The following AFAP1L2 variants were observed in gnomAD, a reference collection of about 807,000 sequenced individuals.
AFAP1L2 encodes the protein actin filament-associated protein 1-like 2.
AFAP1L2 carries 46 observed loss-of-function variants against 99.3 expected under a neutral mutation model. The observed-to-expected ratio is 0.46, with a 90% CI of 0.37 to 0.59. AFAP1L2 has a LOEUF of 0.59. Among genes scored for constraint, AFAP1L2 ranks in the 20% least tolerant of loss-of-function variants. The pLI, the probability that AFAP1L2 is intolerant of heterozygous loss-of-function variation, is 0.00. For missense variants in AFAP1L2, 959 were observed against 1,034.9 expected (o/e 0.93, Z 1.01); for synonymous variants, 397 against 419.1 (o/e 0.95, Z 0.64).
In AFAP1L2 at chr10:114,295,859, T is replaced by G. The variant is rs774742812; in HGVS notation, c.*183A>C. ...CAAAGAAGCCTCCTTTTTGTTGTATTATTTCCTTTGGCTCTGAAAAGGGAC... is the reference window on the plus strand; with the variant it reads ...CAAAGAAGCCTCCTTTTTGTTGTATGATTTCCTTTGGCTCTGAAAAGGGAC... On this transcript the variant is annotated 3_prime_UTR_variant, in exon 19 of 19. Transcript: ENST00000304129. 64 of 1,446,614 alleles carry G rather than the reference T, an allele frequency of 4.4e-5. No individual in the cohort carries two copies. Among genetic ancestry groups the G allele is most frequent in the Non-Finnish European group, 5.6e-5 (62 of 1,100,498 alleles). 89.6% of individuals were successfully genotyped at this position (1,446,614 alleles called of 1,614,324 possible).
intron 6 of AFAP1L2, 57 bp from the exon 7 acceptor site, chr10:114,314,107 G>C: frequency 6.5e-7 from 1 of 1,543,416 alleles, no homozygotes; most frequent in Non-Finnish European, 8.8e-7. Context: ...CGGAGGTGAT[G>C]TCTGCAAAGG....
chr10:114,320,914 G>A (rs902559240), intron 5 of AFAP1L2, among the ~76,000 whole-genome samples: 6 of 152,128 alleles, frequency 3.9e-5, no homozygotes, highest in Non-Finnish European at 7.4e-5. Context: ...ATCACAGCCC[G>A]ACTGGTGAGC....
intron 4 of AFAP1L2, among the ~76,000 whole-genome samples, chr10:114,328,820 A>G (rs1325194732): frequency 6.6e-6 from 1 of 152,224 alleles, no homozygotes; most frequent in East Asian, 1.9e-4. Flanking sequence ...ACATGTGCTC[A>G]TGTGTGTGGG....
intron 1 of AFAP1L2, among the ~76,000 whole-genome samples, chr10:114,345,036 G>A (rs1156397926): frequency 1.3e-5 from 2 of 151,124 alleles, no homozygotes; most frequent in Non-Finnish European, 2.9e-5. Flanking sequence ...GACGGAGGTT[G>A]CAGTGAGCCG....
intron 2 of AFAP1L2, among the ~76,000 whole-genome samples, chr10:114,336,762 G>C (rs917327133): frequency 6.6e-6 from 1 of 152,140 alleles, no homozygotes; most frequent in East Asian, 1.9e-4. Flanking sequence ...ACTGGTGAAG[G>C]CTAGAATAGA....
chr10:114,281,723 G>A, the AFAP1L2 span: 146 of 985,356 alleles, frequency 1.5e-4, no homozygotes, highest in East Asian at 2.3e-4. Context: ...GGGGCACTGC[G>A]GGAGGCCTGG....
At chr10:114,400,060 G>A (rs531461129) in intron 1 of AFAP1L2, among the ~76,000 whole-genome samples, 7 of 152,308 alleles carry the variant, frequency 4.6e-5, no homozygotes, top group African/African-American at 1.7e-4. Flanking sequence ...ATTGCACCAT[G>A]ACTGCCTTCA....
At chr10:114,395,082 C>T (rs2057553423) in intron 1 of AFAP1L2, among the ~76,000 whole-genome samples, 1 of 152,140 alleles carries the variant, frequency 6.6e-6, no homozygotes, top group South Asian at 2.1e-4. Context: ...GACCAGCTGC[C>T]CTGCACTAGG....
At chr10:114,309,250 A>G (rs2042857290) in intron 8 of AFAP1L2, among the ~76,000 whole-genome samples, 1 of 152,156 alleles carries the variant, frequency 6.6e-6, no homozygotes, top group Non-Finnish European at 1.5e-5. Context: ...AGAAAACCCA[A>G]CTTCTTTCCA....
At chr10:114,340,803 G>A in intron 1 of AFAP1L2, 72 bp from the exon 2 acceptor site, 1 of 1,603,896 alleles carries the variant, frequency 6.2e-7, no homozygotes, top group Non-Finnish European at 8.5e-7. Flanking sequence ...TACACCTCGG[G>A]ACCCTGCAGC....
At chr10:114,285,022 C>A in the AFAP1L2 span, 1 of 1,427,156 alleles carries the variant, frequency 7.0e-7, no homozygotes, top group Non-Finnish European at 9.4e-7. Flanking sequence ...AAGAAGAGGA[C>A]GGGCTCCCCT....
intron 1 of AFAP1L2, among the ~76,000 whole-genome samples, chr10:114,401,645 TG>T (rs1669003662): frequency 6.6e-6 from 1 of 152,138 alleles, no homozygotes; most frequent in South Asian, 2.1e-4. Flanking sequence ...CCCTTATTTT[TG>T]CTTGGGTGAG....
intron 5 of AFAP1L2, among the ~76,000 whole-genome samples, chr10:114,322,222 C>G (rs1288792030): frequency 1.3e-5 from 2 of 152,172 alleles, no homozygotes; most frequent in Non-Finnish European, 2.9e-5. Flanking sequence ...TACCTAGTCT[C>G]GGGCGTGTCT....
In AFAP1L2 at chr10:114,317,280, C is replaced by T. The variant is rs146809723; in HGVS notation, c.407-1515G>A. Among the ~76,000 whole-genome samples the T allele has an allele frequency of 3.8e-3, 531 of 139,808 alleles. 4 individuals are homozygous for T. Among genetic ancestry groups the T allele is most frequent in the African/African-American group, 0.013 (499 of 39,114 alleles). The allele number at this position is 139,808 out of a possible 152,430, so 91.7% of individuals were successfully genotyped here. A position where few individuals can be genotyped will look rare whatever the true frequency, so the allele number is the denominator to read the frequency against. ...TGTGTTTTAATATTTCTAAAAACAA[C>T]ATTTTAAACATTTTAGTATCAATTT... On this transcript the variant is annotated intron_variant, in intron 5 of 18. Transcript: ENST00000304129.
At chr10:114,306,241 G>T (rs1473294194) in intron 10 of AFAP1L2, among the ~76,000 whole-genome samples, 12 of 78,098 alleles carry the variant, frequency 1.5e-4, no homozygotes, top group Non-Finnish European at 2.4e-4. Context: ...GGGGGTGCAC[G>T]TACAGGACTG....
intron 1 of AFAP1L2, among the ~76,000 whole-genome samples, chr10:114,341,861 A>G (rs2048877499): frequency 6.6e-6 from 1 of 152,146 alleles, no homozygotes; most frequent in Non-Finnish European, 1.5e-5. Context: ...CAGCTACCTC[A>G]ATTCTTGCCT....
At chr10:114,336,383 C>T (rs570773987) in intron 2 of AFAP1L2, among the ~76,000 whole-genome samples, 1 of 152,234 alleles carries the variant, frequency 6.6e-6, no homozygotes, top group Non-Finnish European at 1.5e-5. Context: ...CATTCAGCAT[C>T]AGCACTGTGC....
At chr10:114,309,267 G>A (rs1451785729) in intron 8 of AFAP1L2, among the ~76,000 whole-genome samples, 6 of 152,194 alleles carry the variant, frequency 3.9e-5, no homozygotes, top group Non-Finnish European at 7.3e-5. Context: ...TCCAACTTTT[G>A]TTTTCTTGTC....
the AFAP1L2 span, chr10:114,286,027 CAA>C: frequency 6.2e-7 from 1 of 1,614,168 alleles, no homozygotes; most frequent in Non-Finnish European, 8.5e-7. Flanking sequence ...TCCTGCGGGC[CAA>C]AGTCTTCGTG....
Sources: allele counts gnomAD v4.1 joint callset (sites outside exome capture counted in the v4.1 genomes callset), GRCh38; gene constraint gnomAD v4.1.1; transcripts MANE v1.5; gene names NCBI Gene and HGNC (gene_info 2026-07-23, HGNC 2026-07-21).